The following PARD3B variants were observed in gnomAD, a reference collection of about 807,000 sequenced individuals.
PARD3B encodes the protein par-3 family cell polarity regulator beta, also known as partitioning defective 3 homolog B.
A neutral mutation model predicts 130.2 loss-of-function variants in PARD3B; 103 were observed. The ratio of observed to expected loss-of-function variants is 0.79; its 90% CI spans 0.67 to 0.93. PARD3B has a LOEUF of 0.93. PARD3B is among the 40% of genes least tolerant of loss of function. The pLI, the probability that PARD3B is intolerant of heterozygous loss-of-function variation, is 0.00. For missense variants in PARD3B, 1,609 were observed against 1,499.2 expected (o/e 1.07, Z -1.21); for synonymous variants, 583 against 553.2 (o/e 1.05, Z -0.76).
chr2:205,172,085 A>G (rs1314770297), intron 11 of PARD3B, 126 bp from the exon 12 acceptor site: 2 of 875,754 alleles, frequency 2.3e-6, no homozygotes, highest in African/African-American at 3.4e-5. Flanking sequence ...AAAATAAATC[A>G]CTTCTAACAG....
intron 4 of PARD3B, among the ~76,000 whole-genome samples, chr2:205,095,743 C>A (rs1408245085): frequency 6.6e-6 from 1 of 151,946 alleles, no homozygotes; most frequent in Non-Finnish European, 1.5e-5. Context: ...CACATTTCTA[C>A]CAAAAATAAG....
At position 204,764,169 on chromosome 2, in the gene PARD3B, G is replaced by T. The variant is rs1356490331; in HGVS notation, c.222+77887G>T. On this transcript the variant is annotated intron_variant, in intron 2 of 22. Coordinates refer to ENST00000406610, the MANE Select transcript of PARD3B (RefSeq NM_001302769.2). ...GGTTGCTGTTTTACAGTTGAATATAGAGGCTTTTATGAGAAATCAGTGAAA... is the reference window on the plus strand; with the variant it reads ...GGTTGCTGTTTTACAGTTGAATATATAGGCTTTTATGAGAAATCAGTGAAA... 2.0e-5 allele frequency among the ~76,000 whole-genome samples: 3 copies of T among 152,272 alleles called. No individual in the cohort carries two copies. The South Asian group carries it at 6.2e-4, about 32-fold the overall frequency.
At chr2:205,012,278 G>A (rs1695775246) in intron 3 of PARD3B, among the ~76,000 whole-genome samples, 2 of 152,078 alleles carry the variant, frequency 1.3e-5, no homozygotes, top group African/African-American at 4.8e-5. Context: ...CACTGTCTTT[G>A]TGGTAGTTTT....
At chr2:205,123,631 C>T (rs1275701355) in intron 8 of PARD3B, among the ~76,000 whole-genome samples, 1 of 109,476 alleles carries the variant, frequency 9.1e-6, no homozygotes, top group African/African-American at 3.4e-5. Context: ...AAAATAAAGA[C>T]ATGAAAACCA....
intron 22 of PARD3B, among the ~76,000 whole-genome samples, chr2:205,604,532 G>C (rs1261616034): frequency 1.3e-5 from 2 of 152,098 alleles, no homozygotes; most frequent in African/African-American, 4.8e-5. Context: ...ATTTGGGTGG[G>C]GACACAGCCA....
chr2:205,499,281 T>C (rs1050305787), intron 20 of PARD3B, among the ~76,000 whole-genome samples: 1 of 151,510 alleles, frequency 6.6e-6, no homozygotes, highest in South Asian at 2.1e-4. Context: ...GAACTTGGAT[T>C]AGCACGTTCT....
intron 3 of PARD3B, among the ~76,000 whole-genome samples, chr2:204,978,305 C>G (rs1010932132): frequency 6.6e-6 from 1 of 152,070 alleles, no homozygotes; most frequent in Admixed American, 6.5e-5. Flanking sequence ...TTAAAATTAG[C>G]CAACAGATAA....
intron 16 of PARD3B, among the ~76,000 whole-genome samples, chr2:205,256,811 C>T (rs1330975485): frequency 6.6e-6 from 1 of 151,770 alleles, no homozygotes; most frequent in African/African-American, 2.4e-5. Flanking sequence ...ATCCCGGAGT[C>T]ATACTGGAAA....
chr2:205,166,820 G>A (rs1456129016), intron 11 of PARD3B, among the ~76,000 whole-genome samples: 6 of 152,144 alleles, frequency 3.9e-5, no homozygotes, highest in Admixed American at 2.0e-4. Context: ...TCTGCAACCT[G>A]AAGTCAAGCT....
At chr2:204,837,460 G>A (rs1490594839) in intron 2 of PARD3B, among the ~76,000 whole-genome samples, 1 of 140,066 alleles carries the variant, frequency 7.1e-6, no homozygotes, top group Non-Finnish European at 1.5e-5. Flanking sequence ...TTACTCTGTT[G>A]CCCAGGCTGG....
chr2:205,031,537 C>T (rs1254810545), intron 3 of PARD3B, among the ~76,000 whole-genome samples: 2 of 152,086 alleles, frequency 1.3e-5, no homozygotes, highest in African/African-American at 4.8e-5. Flanking sequence ...CTTATCAGCA[C>T]CTTCAATTTA....
chr2:204,645,621 G>A (rs963758955), intron 1 of PARD3B, among the ~76,000 whole-genome samples: 10 of 152,038 alleles, frequency 6.6e-5, no homozygotes, highest in Admixed American at 5.2e-4. Context: ...TGTGGTGTCA[G>A]CTCTCTTAGA....
At chr2:205,065,574 G>C (rs752717291) in intron 4 of PARD3B, among the ~76,000 whole-genome samples, 8 of 152,104 alleles carry the variant, frequency 5.3e-5, no homozygotes, top group Non-Finnish European at 1.0e-4. Context: ...GTGGGGCCTA[G>C]TGGGAGGTGT....
At chr2:204,861,660 C>G (rs1045450799) in intron 2 of PARD3B, among the ~76,000 whole-genome samples, 1 of 151,924 alleles carries the variant, frequency 6.6e-6, no homozygotes, top group Non-Finnish European at 1.5e-5. Flanking sequence ...GTACTCTTGG[C>G]TTTTGGACTC....
rs748849254 is a variant in PARD3B, at chr2:205,525,429, A to G, written c.3180+25398A>G. Reference sequence around the variant, plus strand: ...TTTTACATTGAAGATGTAAAAAATAATTACAATATAATGCTGGGTGTTATG... The same window carrying G: ...TTTTACATTGAAGATGTAAAAAATAGTTACAATATAATGCTGGGTGTTATG... On this transcript the variant is annotated intron_variant, in intron 21 of 22. Transcript: ENST00000406610. This position sits in a 1 kb window ranked among gnomAD's most constrained non-coding sequence, Gnocchi z 4.2. Among the ~76,000 whole-genome samples, 47 of 152,184 alleles carry G rather than the reference A, an allele frequency of 3.1e-4. No individual in the cohort carries two copies. The highest frequency in any genetic ancestry group is 5.2e-4 in the Admixed American group (8 of 15,268).
At chr2:205,208,807 C>G (rs1014376081) in intron 15 of PARD3B, among the ~76,000 whole-genome samples, 3 of 144,656 alleles carry the variant, frequency 2.1e-5, no homozygotes, top group African/African-American at 8.1e-5. Flanking sequence ...GGGTAATTTA[C>G]AGATTCAATG....
At chr2:204,611,844 CTATATCTA>C (rs992938671) in intron 1 of PARD3B, among the ~76,000 whole-genome samples, 35 of 77,952 alleles carry the variant, frequency 4.5e-4, no homozygotes, top group Non-Finnish European at 1.1e-3. Flanking sequence ...AAATCTATAT[CTATATCTA>C]TATATATGTG....
At chr2:204,658,161 T>C (rs1395462542) in intron 1 of PARD3B, among the ~76,000 whole-genome samples, 1 of 152,146 alleles carries the variant, frequency 6.6e-6, no homozygotes, top group Non-Finnish European at 1.5e-5. Flanking sequence ...TAGAATTTTA[T>C]ATTTTCACCT....
chr2:205,225,151 G>C (rs983661240), intron 15 of PARD3B, among the ~76,000 whole-genome samples: 1 of 152,098 alleles, frequency 6.6e-6, no homozygotes, highest in African/African-American at 2.4e-5. Context: ...TCATATGGGA[G>C]CTCTATATTG....
Sources: allele counts gnomAD v4.1 joint callset (sites outside exome capture counted in the v4.1 genomes callset), GRCh38; gene constraint gnomAD v4.1.1; non-coding constraint Gnocchi (gnomAD v3.1); transcripts MANE v1.5; gene names NCBI Gene and HGNC (gene_info 2026-07-23, HGNC 2026-07-21).